The following CNBD1 variants were observed in gnomAD, a reference collection of about 807,000 sequenced individuals.
The protein encoded by CNBD1 is cyclic nucleotide-binding domain-containing protein 1.
A neutral mutation model predicts 54.4 loss-of-function variants in CNBD1; 71 were observed. The observed-to-expected ratio is 1.30, with a 90% CI of 1.08 to 1.59. The LOEUF is 1.59. Among genes scored for constraint, CNBD1 ranks in the 40% most tolerant of loss-of-function variants. CNBD1 has a pLI of 0.00. For synonymous variants in CNBD1, 182 were observed against 170.7 expected (o/e 1.07, Z -0.51); for missense variants, 659 against 518.0 (o/e 1.27, Z -2.64).
intron 1 of CNBD1, among the ~76,000 whole-genome samples, chr8:86,874,943 C>T (rs1808492184): frequency 7.0e-6 from 1 of 142,574 alleles, no homozygotes; most frequent in East Asian, 2.0e-4. Flanking sequence ...GTGGACAGAT[C>T]TAGGGAATAC....
intron 7 of CNBD1, 28 bp from the exon 8 acceptor site, chr8:87,286,511 A>C: frequency 7.7e-7 from 1 of 1,295,786 alleles, no homozygotes; most frequent in Non-Finnish European, 1.1e-6. Flanking sequence ...CCTGTTATTA[A>C]AAATTTGATA....
At chr8:87,245,462 T>C in intron 6 of CNBD1, among the ~76,000 whole-genome samples, 1 of 46,388 alleles carries the variant, frequency 2.2e-5, no homozygotes, top group Non-Finnish European at 4.3e-5. Flanking sequence ...AAGCTTTTGT[T>C]TCTTTACATC....
At position 86,866,447 on chromosome 8, in the gene CNBD1, T is replaced by C. The variant is rs1445695475; in HGVS notation, c.-49T>C. On this transcript the variant is annotated 5_prime_UTR_variant, in exon 1 of 11. Transcript: ENST00000518476. ...GAGCCTGCAGGCAAAGAGTGATCAT[T>C]TGCCTCTCAAGCAGCCTCTGGTCAT... 1 of 1,372,046 alleles carries C rather than the reference T, an allele frequency of 7.3e-7. No individual in the cohort carries two copies. Among genetic ancestry groups the C allele is most frequent in the Non-Finnish European group, 1.0e-6 (1 of 974,328 alleles). The allele number at this position is 1,372,046 out of a possible 1,614,324, so 85.0% of individuals were successfully genotyped here.
chr8:87,286,726 T>C, intron 8 of CNBD1, 55 bp downstream of exon 8: 1 of 1,189,800 alleles, frequency 8.4e-7, no homozygotes, highest in South Asian at 1.4e-5. Flanking sequence ...ATTATTGGAA[T>C]TGAAATTCTT....
At chr8:87,357,726 T>A (rs1810448779) in intron 10 of CNBD1, among the ~76,000 whole-genome samples, 1 of 152,078 alleles carries the variant, frequency 6.6e-6, no homozygotes, top group Non-Finnish European at 1.5e-5. Context: ...ACCAGGGGAC[T>A]GTTGGGAAGG....
intron 4 of CNBD1, among the ~76,000 whole-genome samples, chr8:86,973,734 A>T (rs913114941): frequency 1.3e-5 from 2 of 152,208 alleles, no homozygotes; most frequent in African/African-American, 4.8e-5. Context: ...CACAGAGCTT[A>T]AACCAGACAG....
chr8:87,403,099 T>A (rs1807595636), intron 2 of CNBD1, among the ~76,000 whole-genome samples: 1 of 151,078 alleles, frequency 6.6e-6, no homozygotes, highest in African/African-American at 2.4e-5. Flanking sequence ...TGCTTAAAAT[T>A]GGTGGAATTA....
intron 8 of CNBD1, among the ~76,000 whole-genome samples, chr8:87,309,683 A>G (rs1273974268): frequency 1.3e-5 from 2 of 152,124 alleles, no homozygotes; most frequent in Non-Finnish European, 2.9e-5. Flanking sequence ...GAATAACTAT[A>G]TCTACATATA....
chr8:86,979,863 A>G (rs1378479095), intron 4 of CNBD1, among the ~76,000 whole-genome samples: 2 of 152,208 alleles, frequency 1.3e-5, no homozygotes, highest in Non-Finnish European at 2.9e-5. Flanking sequence ...TGATGATATA[A>G]GAGCAATATG....
At chr8:87,333,967 G>T (rs571607961) in intron 8 of CNBD1, among the ~76,000 whole-genome samples, 2 of 152,222 alleles carry the variant, frequency 1.3e-5, no homozygotes, top group East Asian at 1.9e-4. Flanking sequence ...TTTTACCTCT[G>T]GTTGAATTCG....
chr8:86,882,695 A>T (rs898999428), intron 1 of CNBD1, among the ~76,000 whole-genome samples: 1 of 152,158 alleles, frequency 6.6e-6, no homozygotes, highest in African/African-American at 2.4e-5. Context: ...AATATAAATC[A>T]TTGTATTATA....
At chr8:87,052,020 G>A (rs1810320965) in intron 4 of CNBD1, among the ~76,000 whole-genome samples, 1 of 152,180 alleles carries the variant, frequency 6.6e-6, no homozygotes, top group African/African-American at 2.4e-5. Flanking sequence ...GGGTCAAGGT[G>A]GCTTCTTTTT....
At chr8:87,296,106 A>G (rs1465977712) in intron 8 of CNBD1, among the ~76,000 whole-genome samples, 3 of 152,148 alleles carry the variant, frequency 2.0e-5, no homozygotes, top group Non-Finnish European at 1.5e-5. Context: ...TTATAGCAAA[A>G]TAAATAGGTA....
At chr8:86,976,016 C>T (rs961920959) in intron 4 of CNBD1, among the ~76,000 whole-genome samples, 9 of 151,492 alleles carry the variant, frequency 5.9e-5, no homozygotes, top group South Asian at 2.1e-4. Flanking sequence ...CTGTTGACCA[C>T]GCATATTTTT....
chr8:87,172,159 A>G (rs1586305693), intron 4 of CNBD1, among the ~76,000 whole-genome samples: 1 of 151,980 alleles, frequency 6.6e-6, no homozygotes. Flanking sequence ...GTTATTAACA[A>G]GAAGAATTCT....
At position 87,092,456 on chromosome 8, in the gene CNBD1, T is replaced by TATGTGTGTGTGTATATATATACAC. The variant is rs1563465554; in HGVS notation, c.432-113525_432-113524insATATATATACACATGTGTGTGTGT. Among the ~76,000 whole-genome samples, 613 of 138,876 alleles carry TATGTGTGTGTGTATATATATACAC rather than the reference T, an allele frequency of 4.4e-3. 12 individuals carry two copies. Among genetic ancestry groups the TATGTGTGTGTGTATATATATACAC allele is most frequent in the African/African-American group, 0.019 (580 of 31,180 alleles). 91.1% of individuals were successfully genotyped at this position (138,876 alleles called of 152,430 possible). A position where few individuals can be genotyped will look rare whatever the true frequency, so the allele number is the denominator to read the frequency against. On this transcript the variant is annotated intron_variant, in intron 4 of 10. Coordinates refer to ENST00000518476, the MANE Select transcript of CNBD1 (RefSeq NM_173538.3). ...ATGTGTGTGTGTATATATATACACA[T>TATGTGTGTGTGTATATATATACAC]ATGTGTGTGTGTGTATATATATACA...
At chr8:87,336,854 C>G (rs1809953748) in intron 8 of CNBD1, among the ~76,000 whole-genome samples, 1 of 152,138 alleles carries the variant, frequency 6.6e-6, no homozygotes, top group African/African-American at 2.4e-5. Flanking sequence ...GTCTTTGAAG[C>G]TACTGACCCT....
intron 4 of CNBD1, among the ~76,000 whole-genome samples, chr8:87,130,363 A>C (rs1586276663): frequency 6.6e-6 from 1 of 152,286 alleles, no homozygotes; most frequent in Admixed American, 6.5e-5. Flanking sequence ...GCTCTTGAAA[A>C]GAATGTGTAC....
intron 3 of CNBD1, among the ~76,000 whole-genome samples, chr8:86,933,489 A>G (rs1230763221): frequency 6.6e-6 from 1 of 152,216 alleles, no homozygotes; most frequent in Non-Finnish European, 1.5e-5. Flanking sequence ...AGAATCCATA[A>G]GAATCACTTC....
Sources: gnomAD v4.1 joint callset for allele counts (sites outside exome capture counted in the v4.1 genomes callset) on GRCh38, gnomAD v4.1.1 for gene constraint, MANE v1.5 for transcripts, NCBI Gene and HGNC (gene_info 2026-07-23, HGNC 2026-07-21) for gene names.